Variants in CSMD3 observed in about 807,000 individuals in gnomAD.
The protein encoded by CSMD3 is CUB and Sushi multiple domains 3, also known as CUB and sushi domain-containing protein 3.
A neutral mutation model predicts 435.2 loss-of-function variants in CSMD3; 177 were observed. The observed-to-expected ratio is 0.41, with a 90% CI of 0.36 to 0.46. CSMD3 has a LOEUF of 0.46. CSMD3 is among the 20% of genes least tolerant of loss of function. The pLI, the probability that CSMD3 is intolerant of heterozygous loss-of-function variation, is 0.34. For synonymous variants in CSMD3, 1,656 were observed against 1,520.5 expected, an observed-to-expected ratio of 1.09 and a Z score of -2.07; for missense variants, 4,265 against 4,504.6, an observed-to-expected ratio of 0.95 and a Z score of 1.52.
chr8:112,842,696 T>C (rs900519132), intron 11 of CSMD3, among the ~76,000 whole-genome samples: 4 of 151,880 alleles, frequency 2.6e-5, no homozygotes, highest in African/African-American at 9.7e-5. Flanking sequence ...GCAGTGTCTA[T>C]ATTTATATAC....
intron 1 of CSMD3, among the ~76,000 whole-genome samples, chr8:113,410,850 A>G (rs1422968567): frequency 4.0e-5 from 6 of 150,216 alleles, no homozygotes; most frequent in African/African-American, 1.5e-4. Flanking sequence ...GGCTACAGTG[A>G]ACTATGATCA....
chr8:113,084,895 A>C (rs903102813), intron 5 of CSMD3, among the ~76,000 whole-genome samples: 1 of 152,086 alleles, frequency 6.6e-6, no homozygotes, highest in African/African-American at 2.4e-5. Context: ...AGTATTAAGA[A>C]AATTGGATAT....
At chr8:112,230,194 T>C (rs770423863) in intron 69 of CSMD3, among the ~76,000 whole-genome samples, 5 of 152,340 alleles carry the variant, frequency 3.3e-5, no homozygotes, top group Non-Finnish European at 4.4e-5. Flanking sequence ...TTCAGACTTG[T>C]AGTGTTTGAG....
At chr8:112,782,315 C>T (rs1176068056) in intron 13 of CSMD3, among the ~76,000 whole-genome samples, 1 of 151,976 alleles carries the variant, frequency 6.6e-6, no homozygotes, top group Non-Finnish European at 1.5e-5. Flanking sequence ...ATGCATCAGT[C>T]TCCCAACAGC....
At chr8:113,164,505 A>G (rs141098162) in intron 4 of CSMD3, among the ~76,000 whole-genome samples, 4 of 151,978 alleles carry the variant, frequency 2.6e-5, no homozygotes, top group South Asian at 4.1e-4. Flanking sequence ...ATACATAAAA[A>G]TTATGGAGTA....
intron 1 of CSMD3, among the ~76,000 whole-genome samples, chr8:113,403,841 A>T (rs1010247349): frequency 6.6e-6 from 1 of 151,498 alleles, no homozygotes; most frequent in African/African-American, 2.4e-5. Flanking sequence ...ATTGGCTTCG[A>T]TACAGAGATG....
intron 22 of CSMD3, among the ~76,000 whole-genome samples, chr8:112,595,290 T>C (rs1167052204): frequency 6.6e-6 from 1 of 151,428 alleles, no homozygotes; most frequent in Non-Finnish European, 1.5e-5. Flanking sequence ...ACGAATGAAA[T>C]GAAGCGAGAA....
chr8:113,362,602 A>C (rs181348782), intron 1 of CSMD3, among the ~76,000 whole-genome samples: 64 of 152,288 alleles, frequency 4.2e-4, no homozygotes, highest in African/African-American at 1.4e-3. Context: ...ATAAGTAGGC[A>C]AAACAGCTCT....
At chr8:112,343,036 T>TATATA (rs1825328468) in intron 41 of CSMD3, among the ~76,000 whole-genome samples, 1 of 143,712 alleles carries the variant, frequency 7.0e-6, no homozygotes, top group Non-Finnish European at 1.5e-5. Flanking sequence ...TATATATAGT[T>TATATA]TAAATACATT....
At chr8:112,594,068 G>A (rs550520796) in intron 22 of CSMD3, among the ~76,000 whole-genome samples, 351 of 152,282 alleles carry the variant, frequency 2.3e-3, no homozygotes, top group African/African-American at 8.0e-3. Context: ...TGTGAGCGAC[G>A]CAGAACACGG....
intron 27 of CSMD3, among the ~76,000 whole-genome samples, chr8:112,529,589 A>G (rs1825323947): frequency 6.6e-6 from 1 of 152,098 alleles, no homozygotes; most frequent in South Asian, 2.1e-4. Flanking sequence ...CTCTGCCTCA[A>G]AAAAACAAAC....
chr8:112,292,660 T>C lies in CSMD3; in HGVS notation c.8665A>G (p.Asn2889Asp), dbSNP rs770903060. Residue 2889 changes from asparagine to aspartate, a missense_variant, in exon 55 of 71, where the codon AAT becomes GAT. Coordinates refer to ENST00000297405, the MANE Select transcript of CSMD3 (RefSeq NM_198123.2). ...GSPIYGRTSG[N>D]GFNFNDVVTF... is the part of the protein sequence containing the mutation. ...ACCACATCATTAAAGTTGAACCCATTTCCACTTGTTCTTCCATAAATTGGA... is the reference window on the plus strand; with the variant it reads ...ACCACATCATTAAAGTTGAACCCATCTCCACTTGTTCTTCCATAAATTGGA... 1.9e-5 allele frequency: 30 copies of C among 1,613,836 alleles called. No individual in the cohort carries two copies. The South Asian group carries it at 3.2e-4, about 17-fold the overall frequency.
chr8:112,865,560 T>G (rs548609912), intron 10 of CSMD3, among the ~76,000 whole-genome samples: 4 of 152,252 alleles, frequency 2.6e-5, no homozygotes, highest in African/African-American at 7.2e-5. Flanking sequence ...TGTTCACACT[T>G]TAAGACCCTA....
intron 28 of CSMD3, among the ~76,000 whole-genome samples, chr8:112,510,213 C>T (rs1362096546): frequency 6.6e-6 from 1 of 152,108 alleles, no homozygotes; most frequent in African/African-American, 2.4e-5. Context: ...ACGATTATTC[C>T]CCATTTTTTT....
intron 3 of CSMD3, among the ~76,000 whole-genome samples, chr8:113,255,855 G>T (rs536535924): frequency 6.6e-6 from 1 of 151,670 alleles, no homozygotes; most frequent in African/African-American, 2.4e-5. Context: ...TAAATTAACA[G>T]TGAACCGTTT....
intron 2 of CSMD3, chr8:113,309,797 C>T (rs2093853273): frequency 6.6e-6 from 1 of 152,130 alleles, no homozygotes; most frequent in Non-Finnish European, 1.5e-5. Flanking sequence ...AGTTGCCTGG[C>T]CCTCAGTCTT....
chr8:112,926,578 A>T (rs1207472836), intron 9 of CSMD3, among the ~76,000 whole-genome samples: 1 of 152,184 alleles, frequency 6.6e-6, no homozygotes, highest in Non-Finnish European at 1.5e-5. Flanking sequence ...TCATCTTTTT[A>T]AAAATGATAC....
At chr8:112,350,598 T>C (rs1397118055) in intron 40 of CSMD3, among the ~76,000 whole-genome samples, 1 of 151,952 alleles carries the variant, frequency 6.6e-6, no homozygotes, top group African/African-American at 2.4e-5. Context: ...AGTATATTAA[T>C]AGTTGCACAC....
intron 59 of CSMD3, among the ~76,000 whole-genome samples, chr8:112,271,588 C>T (rs1260180637): frequency 6.6e-6 from 1 of 152,106 alleles, no homozygotes; most frequent in Non-Finnish European, 1.5e-5. Context: ...TTAAATCTTA[C>T]ATTCTACAGT....
Sources: allele counts gnomAD v4.1 joint callset (sites outside exome capture counted in the v4.1 genomes callset), GRCh38; gene constraint gnomAD v4.1.1; transcripts MANE v1.5; gene names NCBI Gene and HGNC (gene_info 2026-07-23, HGNC 2026-07-21).